IQSEC1: variants seen among roughly 807,000 people sequenced by gnomAD.
IQSEC1 encodes IQ motif and Sec7 domain ArfGEF 1, also known as IQ motif and SEC7 domain-containing protein 1.
A neutral mutation model predicts 91.0 loss-of-function variants in IQSEC1; 31 were observed. The ratio of observed to expected loss-of-function variants is 0.34; its 90% CI spans 0.26 to 0.46. The LOEUF (loss-of-function observed/expected upper bound fraction) is 0.46, where lower values mean the gene tolerates loss of function less well. IQSEC1 is among the 20% of genes least tolerant of loss of function. IQSEC1 has a pLI of 1.00. For missense variants in IQSEC1, 1,388 were observed against 1,575.6 expected, an observed-to-expected ratio of 0.88 and a Z score of 2.02; for synonymous variants, 699 against 662.6, an observed-to-expected ratio of 1.05 and a Z score of -0.84.
chr3:13,248,697 G>C (rs1326644817), intron 1 of IQSEC1, among the ~76,000 whole-genome samples: 1 of 152,226 alleles, frequency 6.6e-6, no homozygotes, highest in Non-Finnish European at 1.5e-5. Context: ...TCTTGGGATA[G>C]CACCTGGTGT....
chr3:13,105,058 G>A (rs975652218), intron 2 of IQSEC1, among the ~76,000 whole-genome samples: 1 of 152,192 alleles, frequency 6.6e-6, no homozygotes, highest in Non-Finnish European at 1.5e-5. Flanking sequence ...GCAGGCCAGG[G>A]GCAGTCTGTC....
chr3:12,901,588 T>C (rs1307024749), intron 13 of IQSEC1, 66 bp from the exon 14 acceptor site: 2 of 1,369,100 alleles, frequency 1.5e-6, no homozygotes, highest in Non-Finnish European at 2.0e-6. Flanking sequence ...GAATGATTTT[T>C]TTTTTTCAAA....
At chr3:13,057,690 A>G (rs360764) in intron 1 of IQSEC1, among the ~76,000 whole-genome samples, 152,339 of 152,340 alleles carry the variant, frequency 1, 76,169 homozygotes, top group Non-Finnish European at 1. Context: ...CCCGCCTGCC[A>G]GCCTGGGGGC....
At chr3:13,204,570 G>C (rs980943578) in intron 1 of IQSEC1, among the ~76,000 whole-genome samples, 1 of 152,216 alleles carries the variant, frequency 6.6e-6, no homozygotes, top group Non-Finnish European at 1.5e-5. Flanking sequence ...CTCTGCAATG[G>C]GGACGGAGGC....
intron 2 of IQSEC1, among the ~76,000 whole-genome samples, chr3:13,160,166 A>C (rs1318732846): frequency 6.6e-6 from 1 of 152,156 alleles, no homozygotes; most frequent in Non-Finnish European, 1.5e-5. Context: ...TCTCCATGCA[A>C]AAGCACTTCC....
At chr3:13,197,652 A>G (rs1192600349) in intron 1 of IQSEC1, among the ~76,000 whole-genome samples, 1 of 152,222 alleles carries the variant, frequency 6.6e-6, no homozygotes, top group African/African-American at 2.4e-5. Context: ...AGTAGTCGCT[A>G]GTCAGCATCC....
chr3:13,003,276 C>CAAAAAAAAAA (rs56239928), intron 1 of IQSEC1, among the ~76,000 whole-genome samples: 1 of 57,110 alleles, frequency 1.8e-5, no homozygotes. Flanking sequence ...CTGTCTCTAC[C>CAAAAAAAAAA]AAAAAAAAAA....
rs993005076 is a variant in IQSEC1 at position 13,214,405 on chromosome 3, G to C, written c.273-50272C>G. ...AGCCAGCACAGGCAGGCACACGGCA[G>C]GGCTGCAGCAAGCTCGAGCCAGAAC... On this transcript the variant is annotated intron_variant, in intron 1 of 15. Coordinates refer to the IQSEC1 transcript ENST00000648114. The surrounding 1 kb of genome is among the most constrained non-coding windows in gnomAD (Gnocchi z 4.5). Among the ~76,000 whole-genome samples, 1 of 152,264 alleles carries C rather than the reference G, an allele frequency of 6.6e-6. No homozygotes were observed. The highest frequency in any genetic ancestry group is 1.5e-5 in the Non-Finnish European group (1 of 68,046).
rs866875100 is a variant in IQSEC1, at chr3:12,899,152, T to G, written c.*1831A>C. On this transcript the variant is annotated 3_prime_UTR_variant, in exon 14 of 14. Transcript: ENST00000613206. ...TGCTGGTACGGTGATCTCAATGATA[T>G]GACCGAGGGTGGGAGGGATGTGAGG... The G allele has an allele frequency of 3.6e-5, 20 of 562,418 alleles. No individual in the cohort carries two copies. The Middle Eastern group carries it at 1.4e-3, about 39-fold the overall frequency. The allele number at this position is 562,418 out of a possible 1,614,324, so 34.8% of individuals were successfully genotyped here.
chr3:13,258,176 T>C (rs1339069350), intron 1 of IQSEC1, among the ~76,000 whole-genome samples: 1 of 152,134 alleles, frequency 6.6e-6, no homozygotes, highest in African/African-American at 2.4e-5. Context: ...TGGTGAACCA[T>C]GAACTATGGG....
chr3:13,133,951 C>T (rs1261405577), intron 2 of IQSEC1, among the ~76,000 whole-genome samples: 3 of 152,204 alleles, frequency 2.0e-5, no homozygotes, highest in African/African-American at 4.8e-5. Flanking sequence ...CCTTCACCAC[C>T]GTGGGCCCAT....
In IQSEC1 at chr3:13,259,073, G is replaced by A. The variant is rs1183209389; in HGVS notation, c.272+23638C>T. Among the ~76,000 whole-genome samples the A allele has an allele frequency of 2.0e-5, 3 of 152,104 alleles. No individual in the cohort carries two copies. Among genetic ancestry groups the A allele is most frequent in the African/African-American group, 7.2e-5 (3 of 41,390 alleles). On this transcript the variant is annotated intron_variant, in intron 1 of 15. Coordinates refer to the IQSEC1 transcript ENST00000648114. The surrounding 1 kb of genome is among the most constrained non-coding windows in gnomAD (Gnocchi z 4.6). ...CATGGCCAGAGAGGTCTCTCAACAT[G>A]ATAAACTGGACCCTGTCATCCAAGC...
intron 1 of IQSEC1, among the ~76,000 whole-genome samples, chr3:13,071,162 TTTTTG>T (rs1559247907): frequency 1.7e-5 from 2 of 121,002 alleles, no homozygotes; most frequent in African/African-American, 6.1e-5. Context: ...TGTTTTTTTT[TTTTTG>T]TTTGTTTCTT....
Position 13,154,500 on chromosome 3 carries a change from G to T in IQSEC1, c.302+9604C>A, listed in dbSNP as rs532894472. Among the ~76,000 whole-genome samples the T allele has an allele frequency of 2.2e-4, 20 of 92,088 alleles. No homozygotes were observed. In the South Asian group the frequency reaches 8.2e-3, roughly 38 times the overall value. The allele number at this position is 92,088 out of a possible 152,430, so 60.4% of individuals were successfully genotyped here. A position where few individuals can be genotyped will look rare whatever the true frequency, so the allele number is the denominator to read the frequency against. ...ATGCAAAAACTGATACAACTGAAGG[G>T]AGTCATCCGTTATTCATTAGACAGT... is the stretch of plus-strand genomic sequence containing the variant. On this transcript the variant is annotated intron_variant, in intron 2 of 15. Coordinates refer to the IQSEC1 transcript ENST00000648114.
At chr3:13,128,556 A>T (rs1315299351) in intron 2 of IQSEC1, among the ~76,000 whole-genome samples, 1 of 152,184 alleles carries the variant, frequency 6.6e-6, no homozygotes, top group Non-Finnish European at 1.5e-5. Context: ...TTAGATATGC[A>T]AATATTTTGC....
At chr3:13,159,543 G>T (rs1451551013) in intron 2 of IQSEC1, among the ~76,000 whole-genome samples, 2 of 152,210 alleles carry the variant, frequency 1.3e-5, no homozygotes, top group Non-Finnish European at 2.9e-5. Context: ...GACTTGCGAA[G>T]GCTTTGGTGC....
chr3:13,132,044 T>G (rs191524827), intron 2 of IQSEC1, among the ~76,000 whole-genome samples: 2 of 152,362 alleles, frequency 1.3e-5, no homozygotes, highest in Admixed American at 1.3e-4. Context: ...ATTTTCTTGC[T>G]TCTTTTCATT....
At chr3:13,263,436 G>T in intron 1 of IQSEC1, among the ~76,000 whole-genome samples, 1 of 126,586 alleles carries the variant, frequency 7.9e-6, no homozygotes, top group South Asian at 2.9e-4. Context: ...TTGGGGGGGG[G>T]GGGAAAGTAC....
At position 12,908,447 on chromosome 3, in the gene IQSEC1, C is replaced by G; in HGVS notation, c.2657G>C (p.Gly886Ala). Residue 886 changes from glycine (G) to alanine (A), a missense_variant, in exon 12 of 14, where the codon GGA (glycine) becomes GCA (alanine). Coordinates refer to ENST00000613206, the MANE Select transcript of IQSEC1 (RefSeq NM_001134382.3). This position sits in a 1 kb window ranked among gnomAD's most constrained non-coding sequence, Gnocchi z 4.9. ...GTCCAGGCAGGCCCGGCTCAGTGTT[C>G]CGTTGCCCGACTCCTTTTTGAGGCT... ...CSSLKKESGNGTLSRACLDDS... is the reference protein window; with the variant it reads ...CSSLKKESGNATLSRACLDDS... 3 of 1,613,566 alleles carry G rather than the reference C, an allele frequency of 1.9e-6. No individual in the cohort carries two copies. Among genetic ancestry groups the G allele is most frequent in the Non-Finnish European group, 2.5e-6 (3 of 1,180,034 alleles).
Sources: gnomAD v4.1 joint callset for allele counts (sites outside exome capture counted in the v4.1 genomes callset) on GRCh38, gnomAD v4.1.1 for gene constraint, Gnocchi (gnomAD v3.1) non-coding constraint, MANE v1.5 for transcripts, NCBI Gene and HGNC (gene_info 2026-07-23, HGNC 2026-07-21) for gene names.